The following PPFIBP1 variants were observed in gnomAD, a reference collection of about 807,000 sequenced individuals.
PPFIBP1 encodes PPFIB scaffold protein 1, also known as liprin-beta-1.
In PPFIBP1, 112 loss-of-function variants were observed where a neutral mutation model predicts 137.8. The ratio of observed to expected loss-of-function variants is 0.81; its 90% CI spans 0.70 to 0.95. The LOEUF is 0.95. PPFIBP1 is among the 40% of genes least tolerant of loss of function. The probability of loss-of-function intolerance (pLI) is 0.00; values close to 1 mark genes in which losing one functional copy is unlikely to be tolerated. For synonymous variants in PPFIBP1, 378 were observed against 417.3 expected (o/e 0.91, Z 1.15); for missense variants, 1,083 against 1,196.6 (o/e 0.91, Z 1.40).
At chr12:27,613,520 T>C (rs1477766070) in intron 2 of PPFIBP1, among the ~76,000 whole-genome samples, 1 of 151,932 alleles carries the variant, frequency 6.6e-6, no homozygotes, top group African/African-American at 2.4e-5. Context: ...CTGGCCAACA[T>C]GGCAAAACCC....
chr12:27,619,154 G>A (rs1005925993), intron 2 of PPFIBP1, among the ~76,000 whole-genome samples: 6 of 151,588 alleles, frequency 4.0e-5, no homozygotes, highest in Admixed American at 3.3e-4. Context: ...GGGTATCCAC[G>A]GGGAGTTGGT....
At chr12:27,560,751 C>A (rs187384784) in intron 1 of PPFIBP1, among the ~76,000 whole-genome samples, 1 of 152,288 alleles carries the variant, frequency 6.6e-6, no homozygotes, top group African/African-American at 2.4e-5. Flanking sequence ...GATCTAAATC[C>A]AGCCCTCCTG....
chr12:27,552,772 G>A (rs888042376), intron 1 of PPFIBP1: 2 of 152,198 alleles, frequency 1.3e-5, no homozygotes, highest in Non-Finnish European at 2.9e-5. Context: ...GAGAGAGATT[G>A]CGTTCGATTC....
chr12:27,633,086 A>G (rs925312837), intron 2 of PPFIBP1, among the ~76,000 whole-genome samples: 17 of 152,294 alleles, frequency 1.1e-4, no homozygotes, highest in Middle Eastern at 3.4e-3. Context: ...GTTGCCCTTT[A>G]CAGAGGCCTA....
intron 2 of PPFIBP1, among the ~76,000 whole-genome samples, chr12:27,621,108 G>C (rs1410864174): frequency 1.3e-5 from 2 of 152,230 alleles, no homozygotes; most frequent in African/African-American, 4.8e-5. Flanking sequence ...TGTAGGATAA[G>C]GTAGGTTAGG....
chr12:27,611,682 T>C (rs1592840962), intron 2 of PPFIBP1, among the ~76,000 whole-genome samples: 1 of 152,264 alleles, frequency 6.6e-6, no homozygotes, highest in Admixed American at 6.5e-5. Context: ...TTTGTAATTG[T>C]CTATAAACTG....
At chr12:27,574,291 C>A (rs1489662976) in intron 1 of PPFIBP1, among the ~76,000 whole-genome samples, 1 of 152,080 alleles carries the variant, frequency 6.6e-6, no homozygotes, top group Non-Finnish European at 1.5e-5. Context: ...TCTGTTGATG[C>A]TTACTCAACG....
chr12:27,672,343 G>T, intron 14 of PPFIBP1, 84 bp from the exon 15 acceptor site: 4 of 1,080,566 alleles, frequency 3.7e-6, no homozygotes, highest in South Asian at 1.5e-5. Flanking sequence ...ATAATTTTTT[G>T]TTTTTGACTT....
chr12:27,547,091 G>A (rs1946308960), intron 1 of PPFIBP1: 2 of 152,240 alleles, frequency 1.3e-5, no homozygotes, highest in South Asian at 4.1e-4. Context: ...TTCTTGCCGG[G>A]TAGCTTTAGA....
chr12:27,591,722 A>T (rs1016231082), intron 2 of PPFIBP1, among the ~76,000 whole-genome samples: 6 of 152,220 alleles, frequency 3.9e-5, no homozygotes, highest in African/African-American at 1.4e-4. Context: ...TTTTGAATGA[A>T]GACAGCTAGA....
chr12:27,661,950 G>A (rs2059580423), intron 11 of PPFIBP1, among the ~76,000 whole-genome samples: 1 of 151,908 alleles, frequency 6.6e-6, no homozygotes, highest in Admixed American at 6.6e-5. Context: ...GCTGCCCACT[G>A]TAACTTTTAT....
At chr12:27,610,465 G>A (rs756986612) in intron 2 of PPFIBP1, among the ~76,000 whole-genome samples, 4 of 152,168 alleles carry the variant, frequency 2.6e-5, no homozygotes, top group Non-Finnish European at 5.9e-5. Flanking sequence ...CACTTAAAGC[G>A]CCCAGACTAT....
At chr12:27,535,781 A>G (rs545472996) in intron 1 of PPFIBP1, among the ~76,000 whole-genome samples, 44 of 152,222 alleles carry the variant, frequency 2.9e-4, no homozygotes, top group Non-Finnish European at 6.2e-4. Context: ...GTATATTGTT[A>G]TGAGAACAGT....
At chr12:27,525,844 G>C (rs1299967470) in intron 1 of PPFIBP1, among the ~76,000 whole-genome samples, 1 of 152,206 alleles carries the variant, frequency 6.6e-6, no homozygotes, top group Non-Finnish European at 1.5e-5. Context: ...TGGTTGTGCT[G>C]TTGTTTATGA....
intron 2 of PPFIBP1, among the ~76,000 whole-genome samples, chr12:27,599,000 CAAT>C (rs2053651988): frequency 6.6e-6 from 1 of 152,090 alleles, no homozygotes; most frequent in South Asian, 2.1e-4. Flanking sequence ...GGCCTGAAGC[CAAT>C]AATAACTAAG....
chr12:27,644,541 A>G (rs1340988643), intron 4 of PPFIBP1, among the ~76,000 whole-genome samples: 1 of 152,162 alleles, frequency 6.6e-6, no homozygotes, highest in Non-Finnish European at 1.5e-5. Flanking sequence ...CTGTCTTGGC[A>G]CTTTCTTAAG....
intron 4 of PPFIBP1, among the ~76,000 whole-genome samples, chr12:27,640,488 A>T (rs1299199220): frequency 6.6e-6 from 1 of 152,094 alleles, no homozygotes; most frequent in African/African-American, 2.4e-5. Context: ...CGCTTTTAGG[A>T]ACACTGGGAA....
chr12:27,553,073 T>C (rs1946943091), intron 1 of PPFIBP1, among the ~76,000 whole-genome samples: 1 of 152,192 alleles, frequency 6.6e-6, no homozygotes, highest in Non-Finnish European at 1.5e-5. Flanking sequence ...AGAAGATTTA[T>C]GAGCCTGACT....
At chr12:27,630,643 G>A (rs1360853808) in intron 2 of PPFIBP1, among the ~76,000 whole-genome samples, 1 of 152,114 alleles carries the variant, frequency 6.6e-6, no homozygotes, top group Non-Finnish European at 1.5e-5. Flanking sequence ...TTATATTTCA[G>A]TAGCTTTAGG....
Sources: allele counts gnomAD v4.1 joint callset (sites outside exome capture counted in the v4.1 genomes callset), GRCh38; gene constraint gnomAD v4.1.1; transcripts MANE v1.5; gene names NCBI Gene and HGNC (gene_info 2026-07-23, HGNC 2026-07-21).